Variants in LPGAT1 observed in about 807,000 individuals in gnomAD.
The protein encoded by LPGAT1 is lysophosphatidylglycerol acyltransferase 1, also known as acyl-CoA:lysophosphatidylglycerol acyltransferase 1.
In LPGAT1, 11 loss-of-function variants were observed where a neutral mutation model predicts 47.5. The ratio of observed to expected loss-of-function variants is 0.23; its 90% confidence interval spans 0.15 to 0.38. The LOEUF is 0.38. Ranked by LOEUF, LPGAT1 falls within the 10% of genes least tolerant of loss-of-function variation. The pLI is 1.00. For synonymous variants in LPGAT1, 138 were observed against 144.2 expected, an observed-to-expected ratio of 0.96 and a Z score of 0.31; for missense variants, 293 against 439.0, an observed-to-expected ratio of 0.67 and a Z score of 2.97.
chr1:211,795,048 G>A (rs903231589), intron 2 of LPGAT1, among the ~76,000 whole-genome samples: 1 of 152,066 alleles, frequency 6.6e-6, no homozygotes, highest in African/African-American at 2.4e-5. Context: ...CTGGGGGAGG[G>A]GGAAATTGTT....
chr1:211,793,006 G>A (rs536282015), intron 3 of LPGAT1, 66 bp downstream of exon 3: 104 of 1,126,638 alleles, frequency 9.2e-5, no homozygotes, highest in Admixed American at 5.9e-4. Context: ...CACCATGCCC[G>A]GCCAAATGGA....
intron 4 of LPGAT1, among the ~76,000 whole-genome samples, chr1:211,784,423 C>A (rs1253731825): frequency 1.3e-5 from 2 of 148,522 alleles, no homozygotes; most frequent in Admixed American, 1.4e-4. Flanking sequence ...CCCACAAGTT[C>A]GAGGATGCAG....
intron 3 of LPGAT1, among the ~76,000 whole-genome samples, chr1:211,791,911 T>G (rs982505858): frequency 2.0e-5 from 3 of 151,600 alleles, no homozygotes; most frequent in Non-Finnish European, 3.0e-5. Context: ...TCATAACTAC[T>G]AAGCCCTTAA....
At chr1:211,805,945 G>C (rs941641753) in intron 2 of LPGAT1, among the ~76,000 whole-genome samples, 3 of 152,178 alleles carry the variant, frequency 2.0e-5, no homozygotes, top group African/African-American at 7.2e-5. Context: ...GTTTACCCCA[G>C]GAATGCAAGG....
At chr1:211,774,436 A>T (rs1658308501) in intron 6 of LPGAT1, among the ~76,000 whole-genome samples, 1 of 152,042 alleles carries the variant, frequency 6.6e-6, no homozygotes, top group African/African-American at 2.4e-5. Flanking sequence ...TTTTACCTGT[A>T]CATCATTTGC....
intron 6 of LPGAT1, among the ~76,000 whole-genome samples, chr1:211,769,824 G>T (rs1234317958): frequency 1.3e-5 from 2 of 152,106 alleles, no homozygotes; most frequent in East Asian, 3.9e-4. Flanking sequence ...CTTTACTGCA[G>T]CCTGTTTTAT....
intron 6 of LPGAT1, among the ~76,000 whole-genome samples, chr1:211,770,987 C>T (rs1658142337): frequency 1.3e-5 from 2 of 151,968 alleles, no homozygotes; most frequent in Admixed American, 1.3e-4. Context: ...ATCCCAGCTA[C>T]CCGAGAGGCT....
Position 211,749,853 on chromosome 1 carries a change from G to C in LPGAT1, c.*46C>G. 1 of 1,586,006 alleles carries C rather than the reference G, an allele frequency of 6.3e-7. No individual in the cohort carries two copies. The highest frequency in any genetic ancestry group is 2.2e-5 in the East Asian group (1 of 44,616). Reference sequence around the variant, plus strand: ...TGTAAAATAATGCACACTTATGAAAGAAAGTCTGAACTCCTACGGTGACCT... The same window carrying C: ...TGTAAAATAATGCACACTTATGAAACAAAGTCTGAACTCCTACGGTGACCT... On this transcript the variant is annotated 3_prime_UTR_variant, in exon 8 of 8. Coordinates refer to ENST00000366997, the MANE Select transcript of LPGAT1 (RefSeq NM_014873.3).
intron 2 of LPGAT1, among the ~76,000 whole-genome samples, chr1:211,823,156 A>T (rs999781062): frequency 1.1e-4 from 17 of 152,178 alleles, no homozygotes; most frequent in African/African-American, 3.6e-4. Flanking sequence ...ACTTGTGGCA[A>T]CATCAATCCA....
chr1:211,789,886 T>A (rs922146183), intron 3 of LPGAT1, among the ~76,000 whole-genome samples: 41 of 117,798 alleles, frequency 3.5e-4, no homozygotes, highest in Non-Finnish European at 5.5e-4. Flanking sequence ...AAAAAAAAAG[T>A]ACCAACACTT....
chr1:211,761,207 T>G (rs56295475), intron 6 of LPGAT1, among the ~76,000 whole-genome samples: 12,720 of 152,248 alleles, frequency 0.084, 652 homozygotes, highest in Admixed American at 0.15. Flanking sequence ...ATTATCTAGC[T>G]TTTCTTTAAA....
At chr1:211,789,104 AGAGT>A (rs1659006166) in intron 3 of LPGAT1, among the ~76,000 whole-genome samples, 1 of 152,214 alleles carries the variant, frequency 6.6e-6, no homozygotes, top group South Asian at 2.1e-4. Flanking sequence ...CAATTAATAT[AGAGT>A]AAGATAATCA....
chr1:211,797,087 C>T (rs950762769), intron 2 of LPGAT1, among the ~76,000 whole-genome samples: 2 of 152,002 alleles, frequency 1.3e-5, no homozygotes, highest in African/African-American at 4.8e-5. Context: ...GAAACCCTGT[C>T]TCTTCTAAAA....
rs1161800314 is a variant in LPGAT1, at chr1:211,830,754, C to T, written c.-209G>A. 2.6e-6 allele frequency: 3 copies of T among 1,163,016 alleles called. No individual in the cohort carries two copies. The highest frequency in any genetic ancestry group is 4.0e-5 in the East Asian group (1 of 25,090). 72.0% of individuals were successfully genotyped at this position (1,163,016 alleles called of 1,614,324 possible). On this transcript the variant is annotated 5_prime_UTR_variant, in exon 1 of 8. Coordinates refer to ENST00000366997, the MANE Select transcript of LPGAT1 (RefSeq NM_014873.3). The surrounding 1 kb of genome is among the most constrained non-coding windows in gnomAD (Gnocchi z 5.9). Reference sequence around the variant, plus strand: ...CGGTCCCCAAGGGCCCGGCCGCGTTCGCCCGGACTGGCGGGGAGGGGCGGC... The same window carrying T: ...CGGTCCCCAAGGGCCCGGCCGCGTTTGCCCGGACTGGCGGGGAGGGGCGGC...
intron 2 of LPGAT1, among the ~76,000 whole-genome samples, chr1:211,806,859 T>G (rs1472916759): frequency 6.6e-6 from 1 of 152,158 alleles, no homozygotes; most frequent in Admixed American, 6.5e-5. Context: ...GTATTTAGAA[T>G]GCTTCTCCCT....
chr1:211,786,221 G>A (rs1275620018), intron 4 of LPGAT1, among the ~76,000 whole-genome samples: 2 of 152,180 alleles, frequency 1.3e-5, no homozygotes, highest in Non-Finnish European at 2.9e-5. Context: ...AAAATGAAAT[G>A]ATATAATGTC....
At chr1:211,767,826 G>T (rs1198249613) in intron 6 of LPGAT1, among the ~76,000 whole-genome samples, 4 of 152,108 alleles carry the variant, frequency 2.6e-5, no homozygotes, top group Non-Finnish European at 5.9e-5. Flanking sequence ...GGGAAAAAAT[G>T]AAACTATTAG....
Position 211,787,743 on chromosome 1 carries a change from G to T in LPGAT1, c.358-16C>A. 1 of 1,504,430 alleles carries T rather than the reference G, an allele frequency of 6.6e-7. No homozygotes were observed. The highest frequency in any genetic ancestry group is 1.2e-5 in the South Asian group (1 of 85,380). The allele number at this position is 1,504,430 out of a possible 1,614,324, so 93.2% of individuals were successfully genotyped here. A position where few individuals can be genotyped will look rare whatever the true frequency, so the allele number is the denominator to read the frequency against. ...GAGCAACAACCTAAAATATTTAAAA[G>T]CAAGAAATAATATTGGATAGAAGAA... On this transcript the variant is annotated splice_polypyrimidine_tract_variant and intron_variant, in intron 3 of 7. Coordinates refer to ENST00000366997, the MANE Select transcript of LPGAT1 (RefSeq NM_014873.3).
intron 6 of LPGAT1, among the ~76,000 whole-genome samples, chr1:211,763,487 T>G (rs1657787547): frequency 6.6e-6 from 1 of 152,168 alleles, no homozygotes; most frequent in South Asian, 2.1e-4. Context: ...CCTCCACAAC[T>G]GTGAGAAAGA....
Sources: gnomAD v4.1 joint callset for allele counts (sites outside exome capture counted in the v4.1 genomes callset) on GRCh38, gnomAD v4.1.1 for gene constraint, Gnocchi (gnomAD v3.1) non-coding constraint, MANE v1.5 for transcripts, NCBI Gene and HGNC (gene_info 2026-07-23, HGNC 2026-07-21) for gene names.